OSBPL5: variants seen among roughly 807,000 people sequenced by gnomAD.
The protein encoded by OSBPL5 is oxysterol binding protein like 5.
Under a neutral mutation model 111.2 loss-of-function variants are expected in OSBPL5, and 71 were observed. The ratio of observed to expected loss-of-function variants is 0.64; its 90% confidence interval spans 0.53 to 0.78. The LOEUF (loss-of-function observed/expected upper bound fraction) is 0.78, where lower values mean the gene tolerates loss of function less well. OSBPL5 is among the 30% of genes least tolerant of loss of function. The probability of loss-of-function intolerance (pLI) is 0.00; values close to 1 mark genes in which losing one functional copy is unlikely to be tolerated. For missense variants in OSBPL5, 1,210 were observed against 1,189.3 expected, an observed-to-expected ratio of 1.02 and a Z score of -0.26; for synonymous variants, 549 against 513.9, an observed-to-expected ratio of 1.07 and a Z score of -0.93.
chr11:3,145,766 GC>G (rs1846320675), intron 1 of OSBPL5, among the ~76,000 whole-genome samples: 1 of 152,212 alleles, frequency 6.6e-6, no homozygotes, highest in South Asian at 2.1e-4. Flanking sequence ...GGGAAGTGGG[GC>G]CTGGCCGAAC....
intron 1 of OSBPL5, among the ~76,000 whole-genome samples, chr11:3,164,988 G>A (rs1447889657): frequency 6.7e-6 from 1 of 149,622 alleles, no homozygotes; most frequent in African/African-American, 2.4e-5. Context: ...GGCGCCCCCA[G>A]GCTCCCGCGC....
rs908168528 is a variant in OSBPL5 at position 3,134,499 on chromosome 11, A to C, written c.-21-5330T>G. Among the ~76,000 whole-genome samples the C allele has an allele frequency of 2.6e-5, 4 of 152,246 alleles. No homozygotes were observed. The South Asian group carries it at 8.3e-4, about 32-fold the overall frequency. ...CAGCCTGTGAAGGCTCAAGGTGAGC[A>C]GGGCTGGCCCCCCAGCCCCTCCTCC... On this transcript the variant is annotated intron_variant, in intron 1 of 21. Coordinates refer to ENST00000263650, the MANE Select transcript of OSBPL5 (RefSeq NM_020896.4).
chr11:3,093,669 C>G lies in OSBPL5; in HGVS notation c.1810-6G>C. The G allele has an allele frequency of 6.2e-7, 1 of 1,613,260 alleles. No homozygotes were observed. The highest frequency in any genetic ancestry group is 1.3e-5 in the African/African-American group (1 of 75,072). ...TTGATAAACACGTCCCTGTCCTGCC[C>G]CAGATGGCCAGCGGGGTCAGAGGCT... is the stretch of plus-strand genomic sequence containing the variant. On this transcript the variant is annotated splice_region_variant and splice_polypyrimidine_tract_variant and intron_variant, in intron 16 of 21. Coordinates refer to ENST00000263650, the MANE Select transcript of OSBPL5 (RefSeq NM_020896.4).
intron 7 of OSBPL5, among the ~76,000 whole-genome samples, chr11:3,116,807 A>G (rs1182201896): frequency 1.4e-5 from 2 of 144,792 alleles, no homozygotes; most frequent in African/African-American, 2.6e-5. Flanking sequence ...GTGAGCCGAG[A>G]TGGCGCCACT....
At chr11:3,131,878 C>T (rs1225833237) in intron 1 of OSBPL5, among the ~76,000 whole-genome samples, 4 of 69,598 alleles carry the variant, frequency 5.7e-5, no homozygotes, top group African/African-American at 2.4e-4. Context: ...TCCATCCATC[C>T]ACCCATCCAC....
chr11:3,108,520 T>C (rs1857792337), intron 7 of OSBPL5, among the ~76,000 whole-genome samples: 2 of 152,170 alleles, frequency 1.3e-5, no homozygotes, highest in Non-Finnish European at 2.9e-5. Flanking sequence ...GAGACCTGCC[T>C]GAGGCCGCCC....
In OSBPL5 at chr11:3,126,436, C is replaced by A; in HGVS notation, c.219+37G>T. On this transcript the variant is annotated intron_variant, in intron 3 of 21. Transcript: ENST00000263650. This position sits in a 1 kb window ranked among gnomAD's most constrained non-coding sequence, Gnocchi z 6.5. ...GTTTCCTGCTGTCCCCAGAGCCAGG[C>A]TCTGGCTCATGGATCCTCCTATACC... 1.3e-6 allele frequency: 2 copies of A among 1,540,082 alleles called. No homozygotes were observed. Among genetic ancestry groups the A allele is most frequent in the South Asian group, 1.2e-5 (1 of 83,480 alleles).
At chr11:3,114,703 A>G (rs1256196131) in intron 7 of OSBPL5, among the ~76,000 whole-genome samples, 1 of 143,594 alleles carries the variant, frequency 7.0e-6, no homozygotes, top group Non-Finnish European at 1.5e-5. Flanking sequence ...GGTTCACGCC[A>G]TTCTCCTGCC....
intron 21 of OSBPL5, among the ~76,000 whole-genome samples, chr11:3,089,474 C>T (rs745505160): frequency 6.6e-6 from 1 of 152,192 alleles, no homozygotes; most frequent in Non-Finnish European, 1.5e-5. Context: ...AGCCACTGTG[C>T]GCAGGTATGG....
chr11:3,097,228 G>C (rs1032288715), intron 14 of OSBPL5, among the ~76,000 whole-genome samples: 1 of 151,880 alleles, frequency 6.6e-6, no homozygotes, highest in African/African-American at 2.4e-5. Context: ...GAAAGTGGTA[G>C]ACAGGTCCTT....
rs761776401 is a variant in OSBPL5 at position 3,089,955 on chromosome 11, C to T, written c.2399-7G>A. The T allele has an allele frequency of 2.2e-5, 33 of 1,532,254 alleles. No homozygotes were observed. The highest frequency in any genetic ancestry group is 1.9e-4 in the East Asian group (8 of 41,238). The allele number at this position is 1,532,254 out of a possible 1,614,324, so 94.9% of individuals were successfully genotyped here. ...GGGCATGGGCTCTCACCGCCTGGGA[C>T]GGCCCCGAGTGAGACAAAGGAGGGG... is the stretch of plus-strand genomic sequence containing the variant. On this transcript the variant is annotated splice_polypyrimidine_tract_variant and splice_region_variant and intron_variant, in intron 20 of 21. Transcript: ENST00000263650.
At chr11:3,123,724 C>T (rs1204660168) in intron 3 of OSBPL5, among the ~76,000 whole-genome samples, 1 of 152,266 alleles carries the variant, frequency 6.6e-6, no homozygotes, top group Non-Finnish European at 1.5e-5. Flanking sequence ...GTGCTAAGTA[C>T]AGAGCTAAAG....
chr11:3,141,273 C>T lies in OSBPL5; in HGVS notation c.-21-12104G>A, dbSNP rs956121486. 6.6e-6 allele frequency among the ~76,000 whole-genome samples: 1 copy of T among 152,164 alleles called. No homozygotes were observed. The highest frequency in any genetic ancestry group is 2.4e-5 in the African/African-American group (1 of 41,438). ...GTGATTGCTCCTGGACAATGCACAG[C>T]GTCCTTTGACCAAGCGCCTCCTGCT... On this transcript the variant is annotated intron_variant, in intron 1 of 21. Transcript: ENST00000263650. The surrounding 1 kb of genome is among the most constrained non-coding windows in gnomAD (Gnocchi z 6.5).
chr11:3,090,356 TC>T (rs1395768540), intron 20 of OSBPL5, among the ~76,000 whole-genome samples: 3 of 151,518 alleles, frequency 2.0e-5, no homozygotes, highest in Non-Finnish European at 4.4e-5. Context: ...CCCCCACCAT[TC>T]CCCCCGTTGG....
chr11:3,091,614 C>T (rs924927187), intron 19 of OSBPL5, among the ~76,000 whole-genome samples: 2 of 152,044 alleles, frequency 1.3e-5, no homozygotes, highest in Non-Finnish European at 2.9e-5. Flanking sequence ...AGCTAGCAGT[C>T]TGGCCTGAGC....
At chr11:3,089,290 C>T (rs969099800) in intron 21 of OSBPL5, among the ~76,000 whole-genome samples, 1 of 152,230 alleles carries the variant, frequency 6.6e-6, no homozygotes, top group African/African-American at 2.4e-5. Flanking sequence ...GGTCCCACAG[C>T]CAGTGAGACC....
intron 1 of OSBPL5, among the ~76,000 whole-genome samples, chr11:3,138,403 C>A (rs1360143994): frequency 2.0e-5 from 3 of 152,222 alleles, no homozygotes; most frequent in Non-Finnish European, 4.4e-5. Flanking sequence ...ATGCTAGCTG[C>A]AGCCAGGTGG....
intron 1 of OSBPL5, among the ~76,000 whole-genome samples, chr11:3,158,079 C>A (rs555480457): frequency 6.6e-6 from 1 of 152,364 alleles, no homozygotes; most frequent in South Asian, 2.1e-4. Context: ...CCCGAAGCGG[C>A]CTCAGCCTCA....
intron 5 of OSBPL5, 80 bp from the exon 6 acceptor site, chr11:3,120,704 C>T: frequency 6.6e-7 from 1 of 1,511,320 alleles, no homozygotes; most frequent in South Asian, 1.2e-5. Flanking sequence ...GGCGGGGAGC[C>T]AGGCACAGAC....
Sources: gnomAD v4.1 joint callset for allele counts (sites outside exome capture counted in the v4.1 genomes callset) on GRCh38, gnomAD v4.1.1 for gene constraint, Gnocchi (gnomAD v3.1) non-coding constraint, MANE v1.5 for transcripts, NCBI Gene and HGNC (gene_info 2026-07-23, HGNC 2026-07-21) for gene names.